Variants in DIAPH3 observed in about 807,000 individuals in gnomAD.
The protein encoded by DIAPH3 is diaphanous related formin 3.
DIAPH3 carries 117 observed loss-of-function variants against 144.3 expected under a neutral mutation model. That is an observed-to-expected ratio of 0.81 (90% confidence interval 0.70 to 0.95). The LOEUF (loss-of-function observed/expected upper bound fraction) is 0.95. DIAPH3 is among the 40% of genes least tolerant of loss of function. DIAPH3 has a pLI of 0.00. For missense variants in DIAPH3, 1,421 were observed against 1,412.7 expected (o/e 1.01, Z -0.09); for synonymous variants, 519 against 488.9 (o/e 1.06, Z -0.81).
intron 27 of DIAPH3, among the ~76,000 whole-genome samples, chr13:59,715,999 T>TTTAAAGTC (rs1447383042): frequency 6.6e-6 from 1 of 152,132 alleles, no homozygotes; most frequent in Non-Finnish European, 1.5e-5. Flanking sequence ...GTTAAATACA[T>TTTAAAGTC]TTAAAGTCTT....
At chr13:59,742,061 C>A (rs919860082) in intron 27 of DIAPH3, among the ~76,000 whole-genome samples, 1 of 152,128 alleles carries the variant, frequency 6.6e-6, no homozygotes. Context: ...AGACTTCTTA[C>A]ATGGAAGTCA....
In DIAPH3 at chr13:60,112,196, A is replaced by C. The variant is rs1270762759; in HGVS notation, c.214-10T>G. The C allele has an allele frequency of 8.7e-6, 14 of 1,613,692 alleles. No individual in the cohort carries two copies. Among genetic ancestry groups the C allele is most frequent in the African/African-American group, 1.3e-5 (1 of 74,932 alleles). ...TGGCAAATTTGTCCAGCTACAAAGA[A>C]AGACAGAATGACACACGTGTAAGTA... On this transcript the variant is annotated splice_polypyrimidine_tract_variant and intron_variant, in intron 2 of 27. Transcript: ENST00000400324.
intron 21 of DIAPH3, among the ~76,000 whole-genome samples, chr13:59,874,754 C>T (rs547637653): frequency 6.6e-6 from 1 of 152,260 alleles, no homozygotes; most frequent in East Asian, 1.9e-4. Context: ...TTAGTTATTA[C>T]ACGTGGTAAA....
intron 4 of DIAPH3, among the ~76,000 whole-genome samples, chr13:60,051,391 G>A (rs1373319895): frequency 2.6e-5 from 4 of 152,052 alleles, no homozygotes; most frequent in Non-Finnish European, 4.4e-5. Flanking sequence ...AGGCTAAGAC[G>A]GGTGGATCAT....
chr13:59,926,282 C>T (rs1189491325), intron 17 of DIAPH3, among the ~76,000 whole-genome samples: 1 of 152,086 alleles, frequency 6.6e-6, no homozygotes, highest in Admixed American at 6.6e-5. Flanking sequence ...GCCACCTCAC[C>T]CAGCAATGTG....
In DIAPH3 at chr13:59,891,784, A is replaced by C. The variant is rs1264699403; in HGVS notation, c.2368-12316T>G. Among the ~76,000 whole-genome samples, 4 of 152,122 alleles carry C rather than the reference A, an allele frequency of 2.6e-5. No homozygotes were observed. In the East Asian group the frequency reaches 7.8e-4, roughly 29 times the overall value. ...GAGTGATTGCCACCATAAGAAATGA[A>C]GTATGGCCTTAGTGTCAAAAAAGCA... On this transcript the variant is annotated intron_variant, in intron 20 of 27. Coordinates refer to ENST00000400324, the MANE Select transcript of DIAPH3 (RefSeq NM_001042517.2).
intron 27 of DIAPH3, among the ~76,000 whole-genome samples, chr13:59,721,522 C>T (rs1452896639): frequency 6.6e-6 from 1 of 152,068 alleles, no homozygotes; most frequent in Non-Finnish European, 1.5e-5. Flanking sequence ...TCTTCATCTG[C>T]ATAAGAACTA....
intron 3 of DIAPH3, 83 bp from the exon 4 acceptor site, chr13:60,093,815 A>C: frequency 1.2e-6 from 1 of 869,534 alleles, no homozygotes; most frequent in Non-Finnish European, 1.9e-6. Flanking sequence ...AAAAATCAAT[A>C]ATTTGTGACT....
At chr13:59,723,720 C>T (rs1298787956) in intron 27 of DIAPH3, among the ~76,000 whole-genome samples, 2 of 151,888 alleles carry the variant, frequency 1.3e-5, no homozygotes, top group Non-Finnish European at 2.9e-5. Context: ...AAGCAATTCT[C>T]CTGCCTCTGC....
chr13:59,722,271 A>T (rs2035384057), intron 27 of DIAPH3, among the ~76,000 whole-genome samples: 1 of 152,132 alleles, frequency 6.6e-6, no homozygotes. Context: ...GCCTTTATTG[A>T]TTTTTCCCTT....
At chr13:59,759,789 C>G (rs1271594122) in intron 27 of DIAPH3, among the ~76,000 whole-genome samples, 2 of 151,960 alleles carry the variant, frequency 1.3e-5, no homozygotes, top group East Asian at 3.9e-4. Context: ...ACTAAAAATA[C>G]AAAAACATTA....
chr13:59,766,696 T>C (rs372405124), intron 27 of DIAPH3, among the ~76,000 whole-genome samples: 8 of 152,028 alleles, frequency 5.3e-5, no homozygotes, highest in African/African-American at 1.9e-4. Flanking sequence ...CTTTGTCATA[T>C]GAATGGCAAA....
chr13:59,965,890 TTGAG>T (rs1370926985), intron 17 of DIAPH3, among the ~76,000 whole-genome samples: 3 of 152,172 alleles, frequency 2.0e-5, no homozygotes, highest in African/African-American at 7.2e-5. Flanking sequence ...TAAATAGTTA[TTGAG>T]TGGAACAGTG....
At chr13:60,092,738 A>AC (rs1652957909) in intron 4 of DIAPH3, among the ~76,000 whole-genome samples, 1 of 152,216 alleles carries the variant, frequency 6.6e-6, no homozygotes, top group African/African-American at 2.4e-5. Flanking sequence ...AACATGAGAC[A>AC]CGTTTAAAAA....
intron 17 of DIAPH3, among the ~76,000 whole-genome samples, chr13:59,949,362 G>A (rs372087318): frequency 1.3e-5 from 2 of 152,142 alleles, no homozygotes; most frequent in Admixed American, 6.6e-5. Flanking sequence ...ATCTGGGAGA[G>A]GGGAATCAAG....
chr13:60,111,884 C>T (rs965617844), intron 3 of DIAPH3, 126 bp downstream of exon 3: 1 of 874,128 alleles, frequency 1.1e-6, no homozygotes, highest in Non-Finnish European at 1.8e-6. Context: ...GGCTGAAGTG[C>T]TATCTTAAGT....
chr13:59,714,102 T>A (rs1022323168), intron 27 of DIAPH3, among the ~76,000 whole-genome samples: 2 of 152,100 alleles, frequency 1.3e-5, no homozygotes, highest in African/African-American at 4.8e-5. Context: ...GGCTCACGCC[T>A]GTAATCCCAG....
chr13:59,780,282 C>T (rs1458822187), intron 25 of DIAPH3, among the ~76,000 whole-genome samples: 1 of 152,062 alleles, frequency 6.6e-6, no homozygotes, highest in Non-Finnish European at 1.5e-5. Flanking sequence ...GCAGGAGTTA[C>T]TCATGTTAGG....
chr13:59,854,926 T>C (rs1206308715), intron 22 of DIAPH3, among the ~76,000 whole-genome samples: 1 of 152,194 alleles, frequency 6.6e-6, no homozygotes, highest in African/African-American at 2.4e-5. Context: ...TTCTTCTTCA[T>C]CATCATCTAT....
Sources: gnomAD v4.1 joint callset for allele counts (sites outside exome capture counted in the v4.1 genomes callset) on GRCh38, gnomAD v4.1.1 for gene constraint, MANE v1.5 for transcripts, NCBI Gene and HGNC (gene_info 2026-07-23, HGNC 2026-07-21) for gene names.